The following NLRP4 variants were observed in gnomAD, a reference collection of about 807,000 sequenced individuals.
The protein encoded by NLRP4 is NACHT, LRR and PYD domains-containing protein 4.
Under a neutral mutation model 84.7 loss-of-function variants are expected in NLRP4, and 44 were observed. The ratio of observed to expected loss-of-function variants is 0.52; its 90% confidence interval spans 0.41 to 0.67. The LOEUF (loss-of-function observed/expected upper bound fraction) is 0.67. Ranked by LOEUF, NLRP4 falls within the 30% of genes least tolerant of loss-of-function variation. NLRP4 has a pLI of 0.00. For synonymous variants in NLRP4, 544 were observed against 476.4 expected, an observed-to-expected ratio of 1.14 and a Z score of -1.85; for missense variants, 1,260 against 1,219.4, an observed-to-expected ratio of 1.03 and a Z score of -0.50.
intron 7 of NLRP4, among the ~76,000 whole-genome samples, chr19:55,876,008 G>A (rs1202712458): frequency 6.6e-6 from 1 of 152,184 alleles, no homozygotes; most frequent in African/African-American, 2.4e-5. Flanking sequence ...TTGCATTCCA[G>A]CCTGGACAAC....
At chr19:55,857,435 G>T (rs552011745) in intron 2 of NLRP4, 10 of 497,496 alleles carry the variant, frequency 2.0e-5, no homozygotes, top group South Asian at 1.2e-4. Context: ...TGAGTCATAC[G>T]GTCTCTCATA....
chr19:55,860,104 GC>G (rs1189790565), intron 3 of NLRP4, among the ~76,000 whole-genome samples: 1 of 151,168 alleles, frequency 6.6e-6, no homozygotes, highest in Non-Finnish European at 1.5e-5. Context: ...TCCTGCCTCG[GC>G]CTCCCGAATA....
At chr19:55,864,986 A>G (rs1219701422) in intron 5 of NLRP4, among the ~76,000 whole-genome samples, 1 of 152,178 alleles carries the variant, frequency 6.6e-6, no homozygotes, top group Non-Finnish European at 1.5e-5. Context: ...ACATTTAAAC[A>G]ACATTTTAAA....
At chr19:55,853,803 CTCTT>C (rs1162136326) in intron 2 of NLRP4, among the ~76,000 whole-genome samples, 60 of 151,742 alleles carry the variant, frequency 4.0e-4, no homozygotes, top group South Asian at 1.3e-3. Flanking sequence ...CTCTCTCTCT[CTCTT>C]TCTCTTTCTT....
chr19:55,853,740 CCTTTTT>C (rs1235992067), intron 2 of NLRP4, among the ~76,000 whole-genome samples: 1 of 136,874 alleles, frequency 7.3e-6, no homozygotes, highest in Non-Finnish European at 1.5e-5. Context: ...TTTCTCTTTT[CCTTTTT>C]CTTTCTCTTT....
intron 6 of NLRP4, 71 bp from the exon 7 acceptor site, chr19:55,870,756 T>G: frequency 9.0e-6 from 10 of 1,109,480 alleles, no homozygotes; most frequent in Middle Eastern, 2.0e-4. Flanking sequence ...ACCCTGAATG[T>G]GAAATTAAGC....
At chr19:55,842,763 T>G (rs922365154) in intron 1 of NLRP4, among the ~76,000 whole-genome samples, 1 of 151,988 alleles carries the variant, frequency 6.6e-6, no homozygotes, top group Non-Finnish European at 1.5e-5. Context: ...TTCTTTTTAT[T>G]TTATTTTTAT....
At chr19:55,842,815 A>G (rs1217895881) in intron 1 of NLRP4, among the ~76,000 whole-genome samples, 1 of 151,940 alleles carries the variant, frequency 6.6e-6, no homozygotes, top group Admixed American at 6.6e-5. Context: ...GCTGGAGTGG[A>G]GAGGTGCGAT....
intron 6 of NLRP4, 130 bp downstream of exon 6, chr19:55,868,006 G>T (rs1985028719): frequency 1.3e-6 from 1 of 777,134 alleles, no homozygotes; most frequent in Non-Finnish European, 2.1e-6. Context: ...TTAAGAATCA[G>T]AAAAGACTTG....
At position 55,841,232 on chromosome 19, in the gene NLRP4, G is replaced by A. The variant is rs190568671; in HGVS notation, c.-66+4298G>A. Among the ~76,000 whole-genome samples, 430 of 152,212 alleles carry A rather than the reference G, an allele frequency of 2.8e-3. 3 individuals carry two copies. Among genetic ancestry groups the A allele is most frequent in the Admixed American group, 6.1e-3 (93 of 15,282 alleles). On this transcript the variant is annotated intron_variant, in intron 1 of 9. Transcript: ENST00000301295. ...TTTGTAAGAGAACACTAGAACTTGCGCTTTCTAACTGTAAGCGTGCCTGTT... is the reference window on the plus strand; with the variant it reads ...TTTGTAAGAGAACACTAGAACTTGCACTTTCTAACTGTAAGCGTGCCTGTT...
rs368956873 is a variant in NLRP4, at chr19:55,851,632, G to T, written c.-65-384G>T. Among the ~76,000 whole-genome samples the T allele has an allele frequency of 5.7e-5, 6 of 105,894 alleles. No individual in the cohort carries two copies. In the South Asian group the frequency reaches 1.7e-3, roughly 30 times the overall value. 69.5% of individuals were successfully genotyped at this position (105,894 alleles called of 152,430 possible). On this transcript the variant is annotated intron_variant, in intron 1 of 9. Transcript: ENST00000301295. Reference sequence around the variant, plus strand: ...TGTCCGTGGCTGCGGTGTAATGTCCGAGGCTGCGGTGTAATGTCCGAGGCT... The same window carrying T: ...TGTCCGTGGCTGCGGTGTAATGTCCTAGGCTGCGGTGTAATGTCCGAGGCT...
Position 55,858,468 on chromosome 19 carries a change from A to G in NLRP4, c.1075A>G (p.Lys359Glu). 6.2e-7 allele frequency: 1 copy of G among 1,614,138 alleles called. No homozygotes were observed. The highest frequency in any genetic ancestry group is 8.5e-7 in the Non-Finnish European group (1 of 1,180,026). ...TCTGAAGCAAGAGATGCAGAAAGGA[A>G]AAGACCTGGCCCTGACCTGCCAGAG... ...TSLKQEMQKG[K>E]DLALTCQSTT... The change falls in exon 3 of 10, where the codon AAA (lysine) becomes GAA (glutamate). Residue 359 changes from lysine (K) to glutamate (E), a missense_variant. This residue lies in a region of NLRP4 where 712 missense variants were observed against 669.2 expected (regional missense o/e 1.06). Transcript: ENST00000301295. The surrounding 1 kb of genome is among the most constrained non-coding windows in gnomAD (Gnocchi z 4.2).
In NLRP4 at chr19:55,858,232, A is replaced by G; in HGVS notation, c.839A>G (p.Lys280Arg). ...GAGGCCTCCCTGCTCATCGCTATCA[A>G]ACCCGTGTGCCCGAAGGAGCTCCGG... ...LPEASLLIAI[K>R]PVCPKELRDQ... The change falls in exon 3 of 10, where the codon AAA becomes AGA. Residue 280 changes from lysine (K) to arginine (R), a missense_variant. This residue lies in a region of NLRP4 where 712 missense variants were observed against 669.2 expected (regional missense o/e 1.06). Coordinates refer to ENST00000301295, the MANE Select transcript of NLRP4 (RefSeq NM_134444.5). This position sits in a 1 kb window ranked among gnomAD's most constrained non-coding sequence, Gnocchi z 4.2. 1 of 1,614,148 alleles carries G rather than the reference A, an allele frequency of 6.2e-7. No homozygotes were observed. The highest frequency in any genetic ancestry group is 8.5e-7 in the Non-Finnish European group (1 of 1,180,024).
At chr19:55,850,829 C>G (rs1239634873) in intron 1 of NLRP4, among the ~76,000 whole-genome samples, 6 of 95,652 alleles carry the variant, frequency 6.3e-5, no homozygotes, top group Non-Finnish European at 9.3e-5. Flanking sequence ...GGTGTAATGT[C>G]CGAGGCTGCG....
intron 9 of NLRP4, among the ~76,000 whole-genome samples, chr19:55,879,654 T>TC (rs1486437659): frequency 6.6e-6 from 1 of 152,186 alleles, no homozygotes; most frequent in African/African-American, 2.4e-5. Flanking sequence ...CTGCTGGCAT[T>TC]CCCCCCATGC....
In NLRP4 at chr19:55,879,067, T is replaced by C. The variant is rs1477870979; in HGVS notation, c.2867+103T>C. On this transcript the variant is annotated intron_variant, in intron 9 of 9. Transcript: ENST00000301295. Reference sequence around the variant, plus strand: ...CACGTTGCATTTAAAATGCAAATGATGTTCCTTGTCTCAGGGTTGTTGCAG... The same window carrying C: ...CACGTTGCATTTAAAATGCAAATGACGTTCCTTGTCTCAGGGTTGTTGCAG... The C allele has an allele frequency of 3.0e-5, 27 of 896,232 alleles. No homozygotes were observed. The South Asian group carries it at 4.2e-4, about 14-fold the overall frequency. The allele number at this position is 896,232 out of a possible 1,614,324, so 55.5% of individuals were successfully genotyped here. A position where few individuals can be genotyped will look rare whatever the true frequency, so the allele number is the denominator to read the frequency against.
Position 55,852,072 on chromosome 19 carries a change from C to T in NLRP4, c.-9C>T. On this transcript the variant is annotated 5_prime_UTR_variant, in exon 2 of 10. Coordinates refer to ENST00000301295, the MANE Select transcript of NLRP4 (RefSeq NM_134444.5). ...CTCTTTGAGGATTGGTATCTCTGCT[C>T]CAGAAAAGATGGCAGCCTCTTTCTT... The T allele has an allele frequency of 6.3e-7, 1 of 1,585,030 alleles. No homozygotes were observed.
At position 55,857,877 on chromosome 19, in the gene NLRP4, A is replaced by G. The variant is rs1203195095; in HGVS notation, c.484A>G (p.Thr162Ala). 3 of 1,613,998 alleles carry G rather than the reference A, an allele frequency of 1.9e-6. No homozygotes were observed. The change falls in exon 3 of 10, where the codon ACG becomes GCG. Residue 162 changes from threonine (T) to alanine (A), a missense_variant. Transcript: ENST00000301295. ...TCAAGGACCACAAGGAATTGGAAAAACGACACTCCTGATGAAGCTGATGAT... is the reference window on the plus strand; with the variant it reads ...TCAAGGACCACAAGGAATTGGAAAAGCGACACTCCTGATGAAGCTGATGAT... ...IIQGPQGIGKTTLLMKLMMAW... is the reference protein window; with the variant it reads ...IIQGPQGIGKATLLMKLMMAW...
At chr19:55,871,049 C>A in intron 7 of NLRP4, 52 bp downstream of exon 7, 1 of 1,519,858 alleles carries the variant, frequency 6.6e-7, no homozygotes, top group Non-Finnish European at 9.1e-7. Context: ...CAAGGGCATG[C>A]ACTGCTGAGA....
Sources: allele counts gnomAD v4.1 joint callset (sites outside exome capture counted in the v4.1 genomes callset), GRCh38; gene constraint gnomAD v4.1.1; regional missense constraint gnomAD v4.1.1; non-coding constraint Gnocchi (gnomAD v3.1); transcripts MANE v1.5; gene names NCBI Gene and HGNC (gene_info 2026-07-23, HGNC 2026-07-21).